UBAP2: variants seen among roughly 807,000 people sequenced by gnomAD.
UBAP2 encodes ubiquitin-associated protein 2.
A neutral mutation model predicts 139.6 loss-of-function variants in UBAP2; 75 were observed. The ratio of observed to expected loss-of-function variants is 0.54; its 90% CI spans 0.45 to 0.65. The LOEUF is 0.65. UBAP2 is among the 30% of genes least tolerant of loss of function. The probability of loss-of-function intolerance (pLI) is 0.00; values close to 1 mark genes in which losing one functional copy is unlikely to be tolerated. For missense variants in UBAP2, 1,368 were observed against 1,369.6 expected, an observed-to-expected ratio of 1.00 and a Z score of 0.02; for synonymous variants, 526 against 526.2, an observed-to-expected ratio of 1.00 and a Z score of 0.01.
intron 6 of UBAP2, among the ~76,000 whole-genome samples, chr9:33,982,542 A>C (rs1020601013): frequency 3.6e-5 from 5 of 137,256 alleles, no homozygotes; most frequent in Non-Finnish European, 6.9e-5. Flanking sequence ...TAAATGGACT[A>C]TGTTTTTGAT....
chr9:33,962,008 G>C (rs575958018), intron 9 of UBAP2, among the ~76,000 whole-genome samples: 1 of 152,250 alleles, frequency 6.6e-6, no homozygotes, highest in Admixed American at 6.5e-5. Context: ...TTTCAAAACC[G>C]AAAACATTTA....
chr9:33,973,143 G>C (rs752069688), intron 7 of UBAP2, 40 bp downstream of exon 7: 7 of 1,590,868 alleles, frequency 4.4e-6, no homozygotes, highest in Non-Finnish European at 6.0e-6. Flanking sequence ...TAAAAACTAG[G>C]GAAGTAAATA....
intron 11 of UBAP2, among the ~76,000 whole-genome samples, chr9:33,954,264 G>GCACACACA: frequency 8.2e-6 from 1 of 122,316 alleles, no homozygotes; most frequent in East Asian, 2.2e-4. Context: ...TTAAGTGTGT[G>GCACACACA]TATATACACA....
intron 19 of UBAP2, among the ~76,000 whole-genome samples, chr9:33,929,759 T>G (rs1369870061): frequency 6.6e-6 from 1 of 152,088 alleles, no homozygotes; most frequent in East Asian, 1.9e-4. Flanking sequence ...CCCAGCACTT[T>G]GGGAGGCCGA....
chr9:33,941,614 A>C, intron 16 of UBAP2, 35 bp downstream of exon 16: 5 of 1,537,260 alleles, frequency 3.3e-6, no homozygotes, highest in Non-Finnish European at 4.5e-6. Context: ...AATAAGACGG[A>C]CATCTTCTGA....
intron 2 of UBAP2, among the ~76,000 whole-genome samples, chr9:34,007,708 G>A (rs1015351834): frequency 3.3e-5 from 5 of 149,626 alleles, no homozygotes; most frequent in African/African-American, 4.9e-5. Flanking sequence ...GAGTGATCTC[G>A]GCTCACTGCA....
chr9:33,981,117 T>TGG (rs1332442103), intron 6 of UBAP2, among the ~76,000 whole-genome samples: 2 of 8,586 alleles, frequency 2.3e-4, no homozygotes, highest in East Asian at 2.8e-3. Context: ...TATATATATA[T>TGG]ATATATATAT....
At position 33,930,895 on chromosome 9, in the gene UBAP2, C is replaced by CAAA. The variant is rs57202118; in HGVS notation, c.2175+1664_2175+1666dup. 5.6e-4 allele frequency among the ~76,000 whole-genome samples: 41 copies of CAAA among 73,196 alleles called. 1 individual carries two copies. Among genetic ancestry groups the CAAA allele is most frequent in the African/African-American group, 9.1e-4 (13 of 14,294 alleles). The allele number at this position is 73,196 out of a possible 152,430, so 48.0% of individuals were successfully genotyped here. A position where few individuals can be genotyped will look rare whatever the true frequency, so the allele number is the denominator to read the frequency against. Reference sequence around the variant, plus strand: ...TAGGCGACAGAGTGAGACTGCATCTCAAAAAAAAAAAAAAAAAAAAAAAGC... The same window carrying CAAA: ...TAGGCGACAGAGTGAGACTGCATCTCAAAAAAAAAAAAAAAAAAAAAAAAAAGC... On this transcript the variant is annotated intron_variant, in intron 19 of 28. Coordinates refer to ENST00000379238, the MANE Select transcript of UBAP2 (RefSeq NM_001370062.2).
chr9:33,945,563 C>T (rs778908999), intron 13 of UBAP2, among the ~76,000 whole-genome samples: 8 of 152,152 alleles, frequency 5.3e-5, no homozygotes, highest in Non-Finnish European at 1.0e-4. Context: ...GTTTCTCTTC[C>T]ACACCACTCT....
chr9:34,009,649 C>T (rs1356730152), intron 2 of UBAP2, among the ~76,000 whole-genome samples: 8 of 151,672 alleles, frequency 5.3e-5, no homozygotes, highest in Non-Finnish European at 1.2e-4. Flanking sequence ...TTTGTAGAGA[C>T]AGGTCTCACT....
intron 10 of UBAP2, among the ~76,000 whole-genome samples, 181 bp from the exon 11 acceptor site, chr9:33,956,327 T>A (rs866483278): frequency 1.3e-5 from 2 of 151,744 alleles, no homozygotes; most frequent in African/African-American, 4.8e-5. Context: ...ATTTTTTTTT[T>A]TTTTTTTTTG....
intron 1 of UBAP2, among the ~76,000 whole-genome samples, chr9:34,023,820 G>A (rs1304700482): frequency 1.3e-5 from 2 of 151,342 alleles, no homozygotes; most frequent in Admixed American, 1.3e-4. Context: ...CAAGGCAGGC[G>A]GATCACGAGG....
At chr9:33,965,989 G>A (rs778585730) in intron 8 of UBAP2, among the ~76,000 whole-genome samples, 4 of 151,202 alleles carry the variant, frequency 2.6e-5, no homozygotes, top group Non-Finnish European at 4.4e-5. Context: ...GGCAGAGCCT[G>A]CAGTGAGCAG....
At chr9:34,017,783 C>A (rs1004531345) in intron 1 of UBAP2, among the ~76,000 whole-genome samples, 20 of 152,064 alleles carry the variant, frequency 1.3e-4, no homozygotes, top group African/African-American at 4.8e-4. Flanking sequence ...AAAAGTTAGC[C>A]GGGCATGGTG....
At chr9:33,968,228 C>T (rs1827619487) in intron 8 of UBAP2, 1 of 620,702 alleles carries the variant, frequency 1.6e-6, no homozygotes, top group Non-Finnish European at 3.1e-6. Context: ...GAAACCTAAA[C>T]CCTCCATTGT....
intron 6 of UBAP2, among the ~76,000 whole-genome samples, chr9:33,980,069 C>T (rs2781280): frequency 0.4 from 60,199 of 151,184 alleles, 12,361 homozygotes; most frequent in South Asian, 0.48. Context: ...AGAGACAGAC[C>T]CAGTTTCAAC....
At chr9:33,942,694 C>G (rs536898676) in intron 15 of UBAP2, among the ~76,000 whole-genome samples, 1 of 150,910 alleles carries the variant, frequency 6.6e-6, no homozygotes, top group African/African-American at 2.4e-5. Context: ...TGCTGCTGCA[C>G]TCCAGCCTGG....
At chr9:33,998,465 G>A (rs1227422557) in intron 3 of UBAP2, 1 of 208,942 alleles carries the variant, frequency 4.8e-6, no homozygotes, top group African/African-American at 2.3e-5. Flanking sequence ...CCCAGAGACT[G>A]TGCCAAATGT....
intron 2 of UBAP2, among the ~76,000 whole-genome samples, chr9:34,003,573 T>C (rs1224283414): frequency 1.3e-5 from 2 of 151,768 alleles, no homozygotes; most frequent in African/African-American, 2.4e-5. Context: ...ACCCAGCTAA[T>C]TTTTACTATT....
Sources: allele counts gnomAD v4.1 joint callset (sites outside exome capture counted in the v4.1 genomes callset), GRCh38; gene constraint gnomAD v4.1.1; transcripts MANE v1.5; gene names NCBI Gene and HGNC (gene_info 2026-07-23, HGNC 2026-07-21).